SSBP3: variants seen among roughly 807,000 people sequenced by gnomAD.
The protein encoded by SSBP3 is single-stranded DNA-binding protein 3.
A neutral mutation model predicts 69.6 loss-of-function variants in SSBP3; 5 were observed. The observed-to-expected ratio is 0.07, with a 90% CI of 0.04 to 0.15. The LOEUF is 0.15. Ranked by LOEUF, SSBP3 falls within the 10% of genes least tolerant of loss-of-function variation. The probability of loss-of-function intolerance (pLI) is 1.00; values close to 1 mark genes in which losing one functional copy is unlikely to be tolerated. For missense variants in SSBP3, 312 were observed against 534.0 expected (o/e 0.58, Z 4.10); for synonymous variants, 196 against 193.4 (o/e 1.01, Z -0.11).
chr1:54,279,064 T>A (rs1429870485), intron 5 of SSBP3, among the ~76,000 whole-genome samples: 1 of 151,954 alleles, frequency 6.6e-6, no homozygotes, highest in Non-Finnish European at 1.5e-5. Flanking sequence ...GCCTAGCCCA[T>A]CCCCCTGCAT....
chr1:54,238,072 G>A lies in SSBP3; in HGVS notation c.927+1057C>T, dbSNP rs1431926757. 4 of 450,896 alleles carry A rather than the reference G, an allele frequency of 8.9e-6. No individual in the cohort carries two copies. In the East Asian group the frequency reaches 2.2e-4, roughly 24 times the overall value. The allele number at this position is 450,896 out of a possible 1,614,324, so 27.9% of individuals were successfully genotyped here. On this transcript the variant is annotated intron_variant, in intron 14 of 17. Coordinates refer to ENST00000610401, the Ensembl canonical transcript of SSBP3. ...GTGTCCTGGGATTCCTCAGGATGTG[G>A]GGCTTTTTAGTGTTAAAAGCCAGAT...
intron 4 of SSBP3, among the ~76,000 whole-genome samples, chr1:54,313,868 G>A (rs369749871): frequency 1.1e-4 from 17 of 152,046 alleles, no homozygotes; most frequent in African/African-American, 3.6e-4. Context: ...CCAGGTTCAA[G>A]CGATTCTCCT....
chr1:54,360,869 C>T (rs1350055826), intron 4 of SSBP3, among the ~76,000 whole-genome samples: 5 of 150,104 alleles, frequency 3.3e-5, no homozygotes, highest in Non-Finnish European at 5.9e-5. Flanking sequence ...CACTTGAGGC[C>T]GGGAGTTTGA....
At chr1:54,240,443 A>G (rs9793107) in intron 13 of SSBP3, among the ~76,000 whole-genome samples, 85,204 of 130,672 alleles carry the variant, frequency 0.65, 28,334 homozygotes, top group African/African-American at 0.8. Context: ...GGGTGACAGC[A>G]AGATTCTACC....
intron 4 of SSBP3, among the ~76,000 whole-genome samples, chr1:54,307,735 C>A (rs1645925977): frequency 6.6e-6 from 1 of 152,138 alleles, no homozygotes; most frequent in African/African-American, 2.4e-5. Context: ...ACAAGAGTGA[C>A]CTCTGGTCGT....
intron 4 of SSBP3, among the ~76,000 whole-genome samples, chr1:54,295,994 A>G (rs1025616082): frequency 2.0e-5 from 3 of 152,248 alleles, no homozygotes; most frequent in Non-Finnish European, 4.4e-5. Flanking sequence ...TGGTTCCAAA[A>G]AAGTGGAATC....
chr1:54,368,759 T>C (rs1310249754), intron 4 of SSBP3, among the ~76,000 whole-genome samples: 3 of 152,202 alleles, frequency 2.0e-5, no homozygotes, highest in African/African-American at 7.2e-5. Context: ...AACATCTCAC[T>C]GAAGAGCTGG....
At chr1:54,391,988 G>A (rs748683143) in intron 4 of SSBP3, among the ~76,000 whole-genome samples, 1 of 151,430 alleles carries the variant, frequency 6.6e-6, no homozygotes, top group African/African-American at 2.4e-5. Context: ...CATGGACTCC[G>A]CTATTAAGAA....
intron 4 of SSBP3, among the ~76,000 whole-genome samples, chr1:54,355,437 C>T (rs946621326): frequency 8.5e-5 from 13 of 152,162 alleles, no homozygotes; most frequent in African/African-American, 3.1e-4. Flanking sequence ...GTAACCTCTG[C>T]CTTCTGGTTC....
rs1399870513 is a variant in SSBP3, at chr1:54,258,376, G to A, written c.367-227C>T. Among the ~76,000 whole-genome samples the A allele has an allele frequency of 1.3e-5, 2 of 152,186 alleles. No individual in the cohort carries two copies. The highest frequency in any genetic ancestry group is 2.9e-5 in the Non-Finnish European group (2 of 68,020). ...AAGCTGATAAATACATTCACAGGGG[G>A]TTGAAAGAACAAAAAATGAAGCACC... On this transcript the variant is annotated intron_variant, in intron 5 of 17. Transcript: ENST00000610401. The surrounding 1 kb of genome is among the most constrained non-coding windows in gnomAD (Gnocchi z 4.5).
At chr1:54,284,236 T>C (rs1348292079) in intron 4 of SSBP3, among the ~76,000 whole-genome samples, 1 of 151,184 alleles carries the variant, frequency 6.6e-6, no homozygotes, top group Non-Finnish European at 1.5e-5. Flanking sequence ...CCCCCGCCTA[T>C]TAACCAACGA....
At chr1:54,336,931 G>A (rs952838870) in intron 4 of SSBP3, among the ~76,000 whole-genome samples, 1 of 152,192 alleles carries the variant, frequency 6.6e-6, no homozygotes, top group Non-Finnish European at 1.5e-5. Flanking sequence ...TGCCCAGGGT[G>A]TGACAGAGGG....
intron 4 of SSBP3, among the ~76,000 whole-genome samples, chr1:54,305,754 G>C (rs746283021): frequency 6.6e-6 from 1 of 151,404 alleles, no homozygotes; most frequent in Non-Finnish European, 1.5e-5. Flanking sequence ...CACTGCGTCC[G>C]GCTGAGTTTG....
At chr1:54,291,883 T>C (rs1442503864) in intron 4 of SSBP3, among the ~76,000 whole-genome samples, 4 of 152,196 alleles carry the variant, frequency 2.6e-5, no homozygotes, top group Non-Finnish European at 5.9e-5. Context: ...GAAATCCAGG[T>C]GCGAGCCCGC....
intron 4 of SSBP3, among the ~76,000 whole-genome samples, chr1:54,344,524 G>C (rs1646657950): frequency 6.6e-6 from 1 of 152,152 alleles, no homozygotes; most frequent in Non-Finnish European, 1.5e-5. Context: ...ATTCATTTAG[G>C]GGCATAAAGA....
At chr1:54,358,079 A>G (rs571839123) in intron 4 of SSBP3, among the ~76,000 whole-genome samples, 6 of 152,338 alleles carry the variant, frequency 3.9e-5, no homozygotes, top group African/African-American at 1.2e-4. Flanking sequence ...CAGGAGCTCT[A>G]AGAACATTTT....
chr1:54,394,809 TCTC>T (rs1648746410), intron 4 of SSBP3, among the ~76,000 whole-genome samples: 1 of 150,362 alleles, frequency 6.7e-6, no homozygotes, highest in Non-Finnish European at 1.5e-5. Flanking sequence ...TTCACACCAT[TCTC>T]CTGCCTCAGC....
intron 1 of SSBP3, among the ~76,000 whole-genome samples, chr1:54,411,761 G>A (rs920867386): frequency 4.6e-5 from 7 of 151,694 alleles, no homozygotes; most frequent in South Asian, 4.2e-4. Flanking sequence ...GCATGGTGGC[G>A]GGCGCCTGCA....
chr1:54,368,073 G>C (rs894859956), intron 4 of SSBP3, among the ~76,000 whole-genome samples: 7 of 152,116 alleles, frequency 4.6e-5, no homozygotes, highest in African/African-American at 1.4e-4. Flanking sequence ...AGACCCAGGA[G>C]GGTGGAACAC....
Sources: allele counts gnomAD v4.1 joint callset (sites outside exome capture counted in the v4.1 genomes callset), GRCh38; gene constraint gnomAD v4.1.1; non-coding constraint Gnocchi (gnomAD v3.1); transcripts MANE v1.5; gene names NCBI Gene and HGNC (gene_info 2026-07-23, HGNC 2026-07-21).